Variants in CACNA2D3 observed in about 807,000 individuals in gnomAD.
CACNA2D3 encodes the protein calcium voltage-gated channel auxiliary subunit alpha2delta 3.
CACNA2D3 carries 60 observed loss-of-function variants against 160.6 expected under a neutral mutation model. The observed-to-expected ratio is 0.37, with a 90% CI of 0.30 to 0.46. CACNA2D3 has a LOEUF of 0.46. Ranked by LOEUF, CACNA2D3 falls within the 20% of genes least tolerant of loss-of-function variation. CACNA2D3 has a pLI of 1.00. For missense variants in CACNA2D3, 1,205 were observed against 1,365.0 expected (o/e 0.88, Z 1.85); for synonymous variants, 558 against 492.9 (o/e 1.13, Z -1.75).
At chr3:54,389,184 A>G (rs547207050) in intron 4 of CACNA2D3, among the ~76,000 whole-genome samples, 1 of 152,102 alleles carries the variant, frequency 6.6e-6, no homozygotes, top group African/African-American at 2.4e-5. Flanking sequence ...AATCCCAGCT[A>G]CTCAGTAGGC....
At chr3:54,687,250 T>C (rs1482118331) in intron 11 of CACNA2D3, among the ~76,000 whole-genome samples, 4 of 150,388 alleles carry the variant, frequency 2.7e-5, no homozygotes, top group African/African-American at 7.3e-5. Flanking sequence ...AAGTGATTCT[T>C]CTGCCTCAGC....
At chr3:54,205,632 C>A (rs1302791855) in intron 2 of CACNA2D3, among the ~76,000 whole-genome samples, 1 of 152,084 alleles carries the variant, frequency 6.6e-6, no homozygotes, top group Non-Finnish European at 1.5e-5. Flanking sequence ...TTGATAATGC[C>A]TATAATTGAT....
chr3:54,500,176 G>A lies in CACNA2D3; in HGVS notation c.382-3316G>A, dbSNP rs1701265909. Among the ~76,000 whole-genome samples, 5 of 152,100 alleles carry A rather than the reference G, an allele frequency of 3.3e-5. No homozygotes were observed. In the South Asian group the frequency reaches 1.0e-3, roughly 32 times the overall value. ...ATCTTATTCCTTGATAATTTTCCCT[G>A]CTCTGAAGTCTGTTTTGCCTGAAAT... On this transcript the variant is annotated intron_variant, in intron 4 of 37. Coordinates refer to ENST00000474759, the MANE Select transcript of CACNA2D3 (RefSeq NM_018398.3).
chr3:54,899,083 C>G (rs1700268164), intron 26 of CACNA2D3, among the ~76,000 whole-genome samples: 1 of 152,212 alleles, frequency 6.6e-6, no homozygotes, highest in East Asian at 1.9e-4. Flanking sequence ...TCATCCAACT[C>G]ACTTTCATTG....
chr3:54,642,215 G>T lies in CACNA2D3; in HGVS notation c.1141G>T (p.Ala381Ser). The change falls in exon 11 of 38, where the codon GCA becomes TCA. Residue 381 changes from alanine to serine, a missense_variant. By Grantham distance (99) the Ala-to-Ser change is moderately conservative. Coordinates refer to ENST00000474759, the MANE Select transcript of CACNA2D3 (RefSeq NM_018398.3). ...GAVDTYDTIFAKYNWPDRKVR... is the reference protein window; with the variant it reads ...GAVDTYDTIFSKYNWPDRKVR... ...GGTGGACACCTATGATACAATCTTTGCAAAATACAATTGGCCAGATCGAAA... is the reference window on the plus strand; with the variant it reads ...GGTGGACACCTATGATACAATCTTTTCAAAATACAATTGGCCAGATCGAAA... 1.2e-6 allele frequency: 2 copies of T among 1,612,088 alleles called. No individual in the cohort carries two copies. The highest frequency in any genetic ancestry group is 1.7e-6 in the Non-Finnish European group (2 of 1,179,008).
At chr3:54,360,706 A>G (rs1337065749) in intron 3 of CACNA2D3, among the ~76,000 whole-genome samples, 1 of 152,102 alleles carries the variant, frequency 6.6e-6, no homozygotes, top group Non-Finnish European at 1.5e-5. Flanking sequence ...TCCCTTGGAG[A>G]GTAACTTTCT....
At chr3:54,498,649 A>AT (rs1404932714) in intron 4 of CACNA2D3, among the ~76,000 whole-genome samples, 1 of 151,838 alleles carries the variant, frequency 6.6e-6, no homozygotes. Context: ...ATACCTTGTT[A>AT]AGGTAGAATC....
intron 9 of CACNA2D3, among the ~76,000 whole-genome samples, chr3:54,582,220 C>G (rs1368795158): frequency 3.3e-5 from 5 of 152,134 alleles, no homozygotes. Context: ...TTGTTATTTC[C>G]CTTGTCCTTC....
At chr3:54,933,422 C>G (rs1701254771) in intron 27 of CACNA2D3, among the ~76,000 whole-genome samples, 1 of 152,136 alleles carries the variant, frequency 6.6e-6, no homozygotes, top group African/African-American at 2.4e-5. Flanking sequence ...TGGCTGTGAC[C>G]TCTTCTTGGC....
In CACNA2D3 at chr3:54,885,319, G is replaced by A. The variant is rs1458022323; in HGVS notation, c.1951G>A (p.Asp651Asn). Residue 651 changes from aspartate to asparagine, a missense_variant, in exon 22 of 38, where the codon GAT (aspartate) becomes AAT (asparagine). By Grantham distance (23) the Asp-to-Asn change is conservative. Coordinates refer to ENST00000474759, the MANE Select transcript of CACNA2D3 (RefSeq NM_018398.3). ...DLEHPDVSLADEWSYCNTDLH... is the reference protein window; with the variant it reads ...DLEHPDVSLANEWSYCNTDLH... ...AGAACATCCCGATGTGTCCTTGGCA[G>A]ATGAATGGTAAGAATTAAACCATCC... The A allele has an allele frequency of 6.2e-7, 1 of 1,613,926 alleles. No homozygotes were observed. The highest frequency in any genetic ancestry group is 1.3e-5 in the African/African-American group (1 of 75,038).
At chr3:54,269,241 C>A (rs1419622646) in intron 2 of CACNA2D3, among the ~76,000 whole-genome samples, 2 of 151,818 alleles carry the variant, frequency 1.3e-5, no homozygotes, top group African/African-American at 4.8e-5. Flanking sequence ...GCTGCCATCC[C>A]ATCTTGGAAT....
intron 31 of CACNA2D3, among the ~76,000 whole-genome samples, chr3:54,999,076 G>T (rs1287724593): frequency 6.6e-6 from 1 of 152,188 alleles, no homozygotes; most frequent in Non-Finnish European, 1.5e-5. Flanking sequence ...TTTCCAGTTG[G>T]AGGGCTCAAA....
In CACNA2D3 at chr3:54,731,208, T is replaced by TG. The variant is rs1701377843; in HGVS notation, c.1168-21391_1168-21390insG. ...TCTGTATGTACATACTTTTTTCAAA[T>TG]TCTCAGACTCACATTTCCTCTAAGT... On this transcript the variant is annotated intron_variant, in intron 11 of 37. Coordinates refer to ENST00000474759, the MANE Select transcript of CACNA2D3 (RefSeq NM_018398.3). Among the ~76,000 whole-genome samples the TG allele has an allele frequency of 5.3e-5, 8 of 152,276 alleles. No homozygotes were observed. The South Asian group carries it at 1.5e-3, about 28-fold the overall frequency.
At chr3:54,450,700 A>AGG (rs1700291704) in intron 4 of CACNA2D3, among the ~76,000 whole-genome samples, 1 of 152,048 alleles carries the variant, frequency 6.6e-6, no homozygotes, top group Non-Finnish European at 1.5e-5. Context: ...CTTCCACCAT[A>AGG]GTGGAAGGAG....
intron 29 of CACNA2D3, among the ~76,000 whole-genome samples, chr3:54,983,732 C>T (rs746317151): frequency 2.0e-5 from 3 of 152,120 alleles, no homozygotes; most frequent in African/African-American, 4.8e-5. Flanking sequence ...ACATCAGCCC[C>T]GTGGTGGCCT....
chr3:54,878,868 C>G (rs556748487), intron 18 of CACNA2D3, 150 bp from the exon 19 acceptor site: 17 of 524,206 alleles, frequency 3.2e-5, no homozygotes, highest in Middle Eastern at 5.5e-4. Context: ...TCCCATTGTA[C>G]ATGAGCAGTT....
At chr3:54,659,726 C>T (rs1699934606) in intron 11 of CACNA2D3, among the ~76,000 whole-genome samples, 1 of 152,282 alleles carries the variant, frequency 6.6e-6, no homozygotes, top group South Asian at 2.1e-4. Context: ...TTTCCTTGCA[C>T]CTTGAACATC....
intron 2 of CACNA2D3, among the ~76,000 whole-genome samples, chr3:54,284,323 C>A (rs898156234): frequency 6.6e-6 from 1 of 150,782 alleles, no homozygotes; most frequent in Non-Finnish European, 1.5e-5. Context: ...TAAAATGGTA[C>A]AATTAAGTTT....
At chr3:54,839,553 G>A (rs1002974227) in intron 16 of CACNA2D3, among the ~76,000 whole-genome samples, 2 of 152,168 alleles carry the variant, frequency 1.3e-5, no homozygotes, top group African/African-American at 4.8e-5. Context: ...CCAGCACCAA[G>A]CTGACTGGCT....
Sources: gnomAD v4.1 joint callset for allele counts (sites outside exome capture counted in the v4.1 genomes callset) on GRCh38, gnomAD v4.1.1 for gene constraint, MANE v1.5 for transcripts, NCBI Gene and HGNC (gene_info 2026-07-23, HGNC 2026-07-21) for gene names.